The following ITSN2 variants were observed in gnomAD, a reference collection of about 807,000 sequenced individuals.
The protein encoded by ITSN2 is intersectin-2.
Under a neutral mutation model 243.7 loss-of-function variants are expected in ITSN2, and 156 were observed. That is an observed-to-expected ratio of 0.64 (90% CI 0.56 to 0.73). The LOEUF (loss-of-function observed/expected upper bound fraction) is 0.73, where lower values mean the gene tolerates loss of function less well. ITSN2 is among the 30% of genes least tolerant of loss of function. The pLI is 0.00. For synonymous variants in ITSN2, 703 were observed against 699.9 expected (o/e 1.00, Z -0.07); for missense variants, 1,801 against 1,996.1 (o/e 0.90, Z 1.86).
intron 2 of ITSN2, among the ~76,000 whole-genome samples, chr2:24,324,988 A>G (rs1275070274): frequency 6.6e-6 from 1 of 152,136 alleles, no homozygotes; most frequent in African/African-American, 2.4e-5. Flanking sequence ...TAATGTAACC[A>G]AGAGAATAAA....
At chr2:24,257,618 G>T (rs1042884282) in intron 23 of ITSN2, among the ~76,000 whole-genome samples, 1 of 151,646 alleles carries the variant, frequency 6.6e-6, no homozygotes, top group Non-Finnish European at 1.5e-5. Context: ...CACCATGCCC[G>T]GCTAATTTTT....
intron 17 of ITSN2, among the ~76,000 whole-genome samples, chr2:24,283,206 A>C (rs1679038369): frequency 6.6e-6 from 1 of 152,034 alleles, no homozygotes; most frequent in South Asian, 2.1e-4. Flanking sequence ...CTTTTTGACA[A>C]ATTCAATGGA....
rs571608524 is a variant in ITSN2, at chr2:24,208,032, G to A, written c.4678+205C>T. Among the ~76,000 whole-genome samples the A allele has an allele frequency of 4.6e-5, 7 of 152,178 alleles. No individual in the cohort carries two copies. The East Asian group carries it at 1.4e-3, about 30-fold the overall frequency. ...TGCAGAGAGGGAGGTCCCGGAGCTGGCACTGCCAGCCCGTGTCTGTGTGGG... is the reference window on the plus strand; with the variant it reads ...TGCAGAGAGGGAGGTCCCGGAGCTGACACTGCCAGCCCGTGTCTGTGTGGG... On this transcript the variant is annotated intron_variant, in intron 37 of 39. Transcript: ENST00000355123.
intron 37 of ITSN2, among the ~76,000 whole-genome samples, chr2:24,207,614 A>G (rs540360815): frequency 1.3e-5 from 2 of 152,096 alleles, no homozygotes; most frequent in East Asian, 1.9e-4. Context: ...GAAGGCGGCC[A>G]TGGGGTCCAG....
intron 5 of ITSN2, 57 bp downstream of exon 5, chr2:24,312,155 T>A (rs1235291655): frequency 1.5e-6 from 2 of 1,367,300 alleles, no homozygotes; most frequent in Non-Finnish European, 2.0e-6. Flanking sequence ...TACTCAAATA[T>A]GCCTAGGGAT....
intron 34 of ITSN2, chr2:24,210,342 C>A: frequency 5.6e-6 from 2 of 359,250 alleles, no homozygotes; most frequent in South Asian, 3.7e-5. Context: ...GAAGGAATGC[C>A]CTTCATGCCT....
chr2:24,221,086 G>A lies in ITSN2; in HGVS notation c.3578-20C>T. On this transcript the variant is annotated intron_variant, in intron 29 of 39. Coordinates refer to ENST00000355123, the MANE Select transcript of ITSN2 (RefSeq NM_006277.3). The stretch of plus-strand genomic sequence containing the variant: ...CACACCCTGTGGAAAAAACAGGGTA[G>A]TTTAAAATATTACTTTAGTCAACTT... The A allele has an allele frequency of 1.3e-6, 2 of 1,595,444 alleles. No individual in the cohort carries two copies. Among genetic ancestry groups the A allele is most frequent in the Non-Finnish European group, 8.5e-7 (1 of 1,174,216 alleles).
chr2:24,303,741 A>G, intron 9 of ITSN2, 58 bp downstream of exon 9: 1 of 1,034,036 alleles, frequency 9.7e-7, no homozygotes, highest in Non-Finnish European at 1.5e-6. Flanking sequence ...GGGGAGAGAG[A>G]GTTTAATTAA....
At chr2:24,218,037 T>C (rs767168381) in intron 30 of ITSN2, 24 bp from the exon 31 acceptor site, 2 of 1,537,502 alleles carry the variant, frequency 1.3e-6, no homozygotes, top group Non-Finnish European at 1.8e-6. Flanking sequence ...ATAGAAAAAC[T>C]AGTTAGCTTA....
chr2:24,319,667 A>G (rs1437864789), intron 2 of ITSN2, among the ~76,000 whole-genome samples: 5 of 152,242 alleles, frequency 3.3e-5, no homozygotes, highest in Non-Finnish European at 5.9e-5. Flanking sequence ...ACTCCACTGG[A>G]AACCCTCAGA....
intron 18 of ITSN2, 150 bp from the exon 19 acceptor site, chr2:24,272,091 A>AT: frequency 1.7e-6 from 1 of 593,696 alleles, no homozygotes. Context: ...ATCAGAGGTG[A>AT]AAGGAAAACA....
chr2:24,302,998 T>C (rs375967279), intron 9 of ITSN2, among the ~76,000 whole-genome samples: 2 of 152,220 alleles, frequency 1.3e-5, no homozygotes, highest in East Asian at 1.9e-4. Context: ...TCTGTGGTGA[T>C]GCTAGTCTGA....
chr2:24,252,299 T>C (rs1233999468), intron 25 of ITSN2, 46 bp downstream of exon 25: 2 of 1,321,900 alleles, frequency 1.5e-6, no homozygotes, highest in Non-Finnish European at 2.2e-6. Context: ...ATAATTTAAG[T>C]ATAAACCTGA....
intron 12 of ITSN2, 148 bp downstream of exon 12, chr2:24,299,761 A>C: frequency 1.9e-4 from 120 of 626,800 alleles, no homozygotes; most frequent in Non-Finnish European, 2.3e-4. Flanking sequence ...AAGGGAAGGA[A>C]TGATCAGATT....
chr2:24,292,418 G>A (rs917737437), intron 15 of ITSN2, among the ~76,000 whole-genome samples: 5 of 6,674 alleles, frequency 7.5e-4, no homozygotes, highest in African/African-American at 2.1e-3. Context: ...GTAGGGGTGA[G>A]GTGGGGGCTA....
intron 1 of ITSN2, among the ~76,000 whole-genome samples, chr2:24,348,196 T>A (rs1316590417): frequency 6.8e-6 from 1 of 146,304 alleles, no homozygotes; most frequent in East Asian, 2.0e-4. Context: ...TATGATTTTT[T>A]TTTTTTTTTT....
At chr2:24,252,564 T>A in intron 24 of ITSN2, 53 bp from the exon 25 acceptor site, 1 of 1,360,114 alleles carries the variant, frequency 7.4e-7, no homozygotes, top group Admixed American at 2.1e-5. Flanking sequence ...ATTACAGAAG[T>A]GAAAAAGAAA....
intron 15 of ITSN2, among the ~76,000 whole-genome samples, chr2:24,288,700 A>T (rs559855638): frequency 7.2e-5 from 11 of 152,306 alleles, no homozygotes; most frequent in African/African-American, 2.4e-4. Flanking sequence ...TTCTCTTAGC[A>T]ACTTTAAAGA....
chr2:24,244,325 G>A (rs1673089898), intron 29 of ITSN2, among the ~76,000 whole-genome samples: 1 of 152,144 alleles, frequency 6.6e-6, no homozygotes, highest in African/African-American at 2.4e-5. Flanking sequence ...CTGCAGAGGG[G>A]AAACTGAAAG....
Sources: allele counts gnomAD v4.1 joint callset (sites outside exome capture counted in the v4.1 genomes callset), GRCh38; gene constraint gnomAD v4.1.1; transcripts MANE v1.5; gene names NCBI Gene and HGNC (gene_info 2026-07-23, HGNC 2026-07-21).